Variants in ABCD3 observed in about 807,000 individuals in gnomAD.
ABCD3 encodes the protein ATP-binding cassette sub-family D member 3.
In ABCD3, 41 loss-of-function variants were observed where a neutral mutation model predicts 105.5. That is an observed-to-expected ratio of 0.39 (90% CI 0.30 to 0.50). The LOEUF (loss-of-function observed/expected upper bound fraction) is 0.50. Among genes scored for constraint, ABCD3 ranks in the 20% least tolerant of loss-of-function variants. The probability of loss-of-function intolerance (pLI) is 0.84; values close to 1 mark genes in which losing one functional copy is unlikely to be tolerated. For synonymous variants in ABCD3, 258 were observed against 269.0 expected (o/e 0.96, Z 0.40); for missense variants, 622 against 806.3 (o/e 0.77, Z 2.77).
At chr1:94,483,075 T>C in intron 9 of ABCD3, 95 bp from the exon 10 acceptor site, 1 of 836,308 alleles carries the variant, frequency 1.2e-6, no homozygotes, top group Non-Finnish European at 2.0e-6. Context: ...AATGTCCATT[T>C]AAATACAAAC....
intron 1 of ABCD3, among the ~76,000 whole-genome samples, chr1:94,448,750 C>T (rs1445972668): frequency 6.6e-6 from 1 of 152,196 alleles, no homozygotes; most frequent in Non-Finnish European, 1.5e-5. Context: ...CCAGGCTATA[C>T]TAGCCAAGCT....
intron 5 of ABCD3, among the ~76,000 whole-genome samples, chr1:94,474,208 T>C (rs1648621601): frequency 7.0e-6 from 1 of 141,888 alleles, no homozygotes; most frequent in Admixed American, 7.3e-5. Context: ...TTCCAGTCAT[T>C]GCAAAATGGG....
chr1:94,486,181 G>A (rs1344730205), intron 10 of ABCD3, among the ~76,000 whole-genome samples: 2 of 152,106 alleles, frequency 1.3e-5, no homozygotes, highest in Admixed American at 6.5e-5. Context: ...GACAGAGTGA[G>A]ACTCTGTCTC....
At chr1:94,416,644 A>G (rs780118953), upstream of ABCD3, among the ~76,000 whole-genome samples, 30 of 152,170 alleles carry the variant, frequency 2.0e-4, no homozygotes, top group Non-Finnish European at 4.1e-4. Flanking sequence ...CATAGATATT[A>G]GGATCCCTAT....
chr1:94,495,811 C>T (rs574857364), intron 16 of ABCD3, among the ~76,000 whole-genome samples: 2 of 152,250 alleles, frequency 1.3e-5, no homozygotes, highest in Admixed American at 6.5e-5. Flanking sequence ...ATTACCAGCT[C>T]ACTGAACTTT....
the ABCD3 span, among the ~76,000 whole-genome samples, chr1:94,396,112 C>T: frequency 1.3e-5 from 2 of 152,168 alleles, no homozygotes; most frequent in Non-Finnish European, 2.9e-5. Flanking sequence ...CAGCTTTAGA[C>T]TCTGTGCTGT....
chr1:94,447,728 A>C (rs965995960), intron 1 of ABCD3, among the ~76,000 whole-genome samples: 1 of 152,268 alleles, frequency 6.6e-6, no homozygotes, highest in East Asian at 1.9e-4. Flanking sequence ...GTGCTGGTTT[A>C]ATTATAGCTC....
chr1:94,451,427 AGC>A (rs1329941597), intron 1 of ABCD3, among the ~76,000 whole-genome samples: 175 of 152,246 alleles, frequency 1.1e-3, no homozygotes, highest in African/African-American at 3.9e-3. Flanking sequence ...TTTACCCAGG[AGC>A]ATTGTCAGTC....
chr1:94,400,679 A>C, the ABCD3 span, among the ~76,000 whole-genome samples: 3 of 152,178 alleles, frequency 2.0e-5, no homozygotes. Flanking sequence ...CAGCACCTAG[A>C]GAAAGAGGAG....
chr1:94,487,651 T>C (rs1649335352), intron 11 of ABCD3, 40 bp downstream of exon 11: 14 of 1,612,638 alleles, frequency 8.7e-6, no homozygotes, highest in Non-Finnish European at 1.1e-5. Flanking sequence ...GTGGAAAAGG[T>C]GAAATACTGT....
chr1:94,446,155 G>A (rs1306470074), intron 1 of ABCD3, among the ~76,000 whole-genome samples: 1 of 152,254 alleles, frequency 6.6e-6, no homozygotes, highest in African/African-American at 2.4e-5. Context: ...GCTAATTGGT[G>A]TCACTCTAAC....
At chr1:94,431,872 A>G (rs1158911801) in intron 1 of ABCD3, among the ~76,000 whole-genome samples, 3 of 152,212 alleles carry the variant, frequency 2.0e-5, no homozygotes, top group Non-Finnish European at 1.5e-5. Context: ...GATATTTTCA[A>G]CTGTAGGACT....
chr1:94,387,095 G>A, the ABCD3 span, among the ~76,000 whole-genome samples: 5 of 152,062 alleles, frequency 3.3e-5, no homozygotes, highest in South Asian at 2.1e-4. Flanking sequence ...TTTTCTATGC[G>A]AAGCTTTTCC....
upstream of ABCD3, among the ~76,000 whole-genome samples, chr1:94,414,815 C>T (rs1340891940): frequency 6.6e-6 from 1 of 152,166 alleles, no homozygotes; most frequent in Non-Finnish European, 1.5e-5. Flanking sequence ...TTTTCAAGGT[C>T]ACAGTGTCTG....
At chr1:94,411,435 C>G in the ABCD3 span, among the ~76,000 whole-genome samples, 1 of 152,128 alleles carries the variant, frequency 6.6e-6, no homozygotes, top group Non-Finnish European at 1.5e-5. Context: ...CACCACTTCA[C>G]TTTACACTCA....
rs1648919743 is a variant in ABCD3 at position 94,479,307 on chromosome 1, T to C, written c.684+992T>C. On this transcript the variant is annotated intron_variant, in intron 8 of 22. Transcript: ENST00000370214. ...GTACTTAACTACATTTTTGTGATAC[T>C]TAAATATGTCTCCATGTCTACTTGT... Among the ~76,000 whole-genome samples, 3 of 152,224 alleles carry C rather than the reference T, an allele frequency of 2.0e-5. No individual in the cohort carries two copies. In the East Asian group the frequency reaches 5.8e-4, roughly 29 times the overall value.
rs1659563989 is a variant in ABCD3, at chr1:94,428,684, A to G, written c.110+10096A>G. 2.0e-5 allele frequency among the ~76,000 whole-genome samples: 3 copies of G among 151,776 alleles called. No homozygotes were observed. In the South Asian group the frequency reaches 6.2e-4, roughly 32 times the overall value. ...TTTTGCCTGCCGCCATCCACATAAG[A>G]TGTGACTTGCTCCTCTTTGCCTTCC... is the stretch of plus-strand genomic sequence containing the variant. On this transcript the variant is annotated intron_variant, in intron 1 of 22. Coordinates refer to ENST00000370214, the MANE Select transcript of ABCD3 (RefSeq NM_002858.4).
At chr1:94,424,714 G>T (rs1012128665) in intron 1 of ABCD3, among the ~76,000 whole-genome samples, 5 of 152,108 alleles carry the variant, frequency 3.3e-5, no homozygotes, top group Non-Finnish European at 5.9e-5. Flanking sequence ...ACTGTGCCTG[G>T]CCCCTGCCAC....
chr1:94,475,071 T>C (rs1289671043), intron 5 of ABCD3, 72 bp from the exon 6 acceptor site: 3 of 969,194 alleles, frequency 3.1e-6, no homozygotes, highest in Admixed American at 4.1e-5. Context: ...CAGGAAATAA[T>C]AGAGAAATAA....
Sources: allele counts gnomAD v4.1 joint callset (sites outside exome capture counted in the v4.1 genomes callset), GRCh38; gene constraint gnomAD v4.1.1; transcripts MANE v1.5; gene names NCBI Gene and HGNC (gene_info 2026-07-23, HGNC 2026-07-21).